ELP1: variants seen among roughly 807,000 people sequenced by gnomAD.
ELP1 encodes elongator acetyltransferase complex subunit 1, also known as elongator complex protein 1.
A neutral mutation model predicts 183.2 loss-of-function variants in ELP1; 131 were observed. The ratio of observed to expected loss-of-function variants is 0.72; its 90% CI spans 0.62 to 0.83. ELP1 has a LOEUF of 0.83. ELP1 is among the 40% of genes least tolerant of loss of function. ELP1 has a pLI of 0.00. For synonymous variants in ELP1, 555 were observed against 569.0 expected (o/e 0.98, Z 0.35); for missense variants, 1,550 against 1,594.9 (o/e 0.97, Z 0.48).
intron 6 of ELP1, among the ~76,000 whole-genome samples, chr9:108,920,130 A>G (rs147386759): frequency 6.6e-6 from 1 of 152,310 alleles, no homozygotes; most frequent in East Asian, 1.9e-4. Context: ...AACTGGAAAT[A>G]ATTAAGGACA....
intron 19 of ELP1, 32 bp downstream of exon 19, chr9:108,900,228 G>A: frequency 7.0e-7 from 1 of 1,425,886 alleles, no homozygotes; most frequent in South Asian, 1.1e-5. Context: ...ATGACAATCA[G>A]ACTATCTATC....
chr9:108,933,034 C>T (rs750153915), intron 1 of ELP1, among the ~76,000 whole-genome samples: 1 of 152,180 alleles, frequency 6.6e-6, no homozygotes, highest in Admixed American at 6.5e-5. Context: ...ATCACCAATA[C>T]GCTGATTAGG....
chr9:108,896,722 G>A, intron 24 of ELP1, 78 bp from the exon 25 acceptor site: 1 of 1,410,550 alleles, frequency 7.1e-7, no homozygotes. Context: ...TAACCAAAAA[G>A]ACAATAAATT....
chr9:108,896,465 C>A, intron 25 of ELP1, 31 bp downstream of exon 25: 1 of 1,610,944 alleles, frequency 6.2e-7, no homozygotes, highest in East Asian at 2.2e-5. Context: ...AAACAAGAAC[C>A]AAATGGCATA....
intron 29 of ELP1, among the ~76,000 whole-genome samples, chr9:108,884,487 AC>A (rs1240320635): frequency 6.6e-6 from 1 of 152,052 alleles, no homozygotes; most frequent in African/African-American, 2.4e-5. Context: ...TGTAAAACAG[AC>A]CATATTATAA....
chr9:108,905,489 G>C (rs1394589731), intron 14 of ELP1, among the ~76,000 whole-genome samples: 1 of 152,142 alleles, frequency 6.6e-6, no homozygotes, highest in East Asian at 1.9e-4. Flanking sequence ...CCAGAGAACA[G>C]TGAAATTTCA....
intron 4 of ELP1, 139 bp from the exon 5 acceptor site, chr9:108,926,742 A>T (rs1829836339): frequency 2.9e-6 from 2 of 693,892 alleles, no homozygotes; most frequent in Non-Finnish European, 5.0e-6. Context: ...GCTTTGACTT[A>T]AAAAAACAAC....
chr9:108,912,796 C>T (rs1451257587), intron 10 of ELP1, among the ~76,000 whole-genome samples: 1 of 147,710 alleles, frequency 6.8e-6, no homozygotes, highest in Non-Finnish European at 1.5e-5. Context: ...GCTCTGCCGG[C>T]CAGGCTGGAG....
chr9:108,885,439 A>T (rs1384464292), intron 29 of ELP1, among the ~76,000 whole-genome samples: 1 of 152,228 alleles, frequency 6.6e-6, no homozygotes, highest in Non-Finnish European at 1.5e-5. Context: ...GAAAGACATA[A>T]ACTACCAATG....
rs545060394 is a variant in ELP1, at chr9:108,888,651, C to T, written c.3222+681G>A. Among the ~76,000 whole-genome samples, 11 of 152,230 alleles carry T rather than the reference C, an allele frequency of 7.2e-5. No individual in the cohort carries two copies. In the South Asian group the frequency reaches 8.3e-4, roughly 11 times the overall value. ...TCTAATTATATAAAATTTTAGTTAT[C>T]GTCTTTCACTTACTGTTATTACACA... On this transcript the variant is annotated intron_variant, in intron 29 of 36. Coordinates refer to ENST00000374647, the MANE Select transcript of ELP1 (RefSeq NM_003640.5).
chr9:108,868,068 T>G lies in ELP1; in HGVS notation c.*1047A>C, dbSNP rs1283899499. 6.6e-6 allele frequency: 1 copy of G among 152,242 alleles called. No individual in the cohort carries two copies. Among genetic ancestry groups the G allele is most frequent in the Non-Finnish European group, 1.5e-5 (1 of 68,042 alleles). 9.4% of individuals were successfully genotyped at this position (152,242 alleles called of 1,614,324 possible). A position where few individuals can be genotyped will look rare whatever the true frequency, so the allele number is the denominator to read the frequency against. On this transcript the variant is annotated 3_prime_UTR_variant, in exon 37 of 37. Coordinates refer to ENST00000374647, the MANE Select transcript of ELP1 (RefSeq NM_003640.5). ...ACGTGAATCGCTTGTGCCATCCTCG[T>G]GGTAATGAGTGAGTTTTCACTCTAT...
chr9:108,918,781 A>AATTT, intron 8 of ELP1, 30 bp downstream of exon 8: 3 of 1,530,248 alleles, frequency 2.0e-6, no homozygotes, highest in Non-Finnish European at 2.7e-6. Context: ...TGGTTCCAAG[A>AATTT]ATTTCTCTAA....
chr9:108,897,075 G>T, intron 23 of ELP1, 37 bp from the exon 24 acceptor site: 1 of 1,613,214 alleles, frequency 6.2e-7, no homozygotes, highest in Non-Finnish European at 8.5e-7. Context: ...AATGAGAAAG[G>T]TAAGTAGGCT....
At chr9:108,933,199 C>T (rs1830055913) in intron 1 of ELP1, among the ~76,000 whole-genome samples, 1 of 152,322 alleles carries the variant, frequency 6.6e-6, no homozygotes, top group African/African-American at 2.4e-5. Context: ...ACAGTTCCCA[C>T]TATTTGGGGA....
rs1189930030 is a variant in ELP1 at position 108,906,479 on chromosome 9, C to A, written c.1467G>T (p.Gln489His). 6.2e-7 allele frequency: 1 copy of A among 1,613,106 alleles called. No individual in the cohort carries two copies. Among genetic ancestry groups the A allele is most frequent in the African/African-American group, 1.3e-5 (1 of 75,026 alleles). ...CATCTTGATCTTCATTATTCTCAAA[C>A]TGGATTCTATTGTAAATATTGAAGA... ...TPHLEKRYKI[Q>H]FENNEDQDVN... is the part of the protein sequence containing the mutation. The change falls in exon 14 of 37, where the codon CAG becomes CAT. Residue 489 changes from glutamine (Q) to histidine (H), a missense_variant. By Grantham distance (24) the Gln-to-His change is conservative (BLOSUM62 0). Coordinates refer to ENST00000374647, the MANE Select transcript of ELP1 (RefSeq NM_003640.5).
intron 6 of ELP1, among the ~76,000 whole-genome samples, chr9:108,921,994 T>C (rs1829665358): frequency 6.6e-6 from 1 of 152,156 alleles, no homozygotes; most frequent in African/African-American, 2.4e-5. Flanking sequence ...ATACTGAGGC[T>C]CAGAAACATT....
rs1827939502 is a variant in ELP1, at chr9:108,881,777, AAC to A, written c.3286-14_3286-13del. The A allele has an allele frequency of 6.8e-7, 1 of 1,461,636 alleles. No homozygotes were observed. Among genetic ancestry groups the A allele is most frequent in the Non-Finnish European group, 9.6e-7 (1 of 1,041,662 alleles). The allele number at this position is 1,461,636 out of a possible 1,614,324, so 90.5% of individuals were successfully genotyped here. A position where few individuals can be genotyped will look rare whatever the true frequency, so the allele number is the denominator to read the frequency against. Reference sequence around the variant, plus strand: ...TTATATTTGTATACCTAGAAGGAAAAACACAATAATTTTAGGAAGGAAAACTT... The same window carrying A: ...TTATATTTGTATACCTAGAAGGAAAAACAATAATTTTAGGAAGGAAAACTT... On this transcript the variant is annotated splice_polypyrimidine_tract_variant and intron_variant, in intron 30 of 36. Transcript: ENST00000374647.
intron 25 of ELP1, among the ~76,000 whole-genome samples, chr9:108,894,271 A>G (rs183216425): frequency 6.6e-6 from 1 of 152,356 alleles, no homozygotes; most frequent in East Asian, 1.9e-4. Context: ...CACCCCAAGG[A>G]TACCAAAATC....
intron 3 of ELP1, among the ~76,000 whole-genome samples, chr9:108,928,475 C>A (rs1829889487): frequency 6.6e-6 from 1 of 151,898 alleles, no homozygotes; most frequent in African/African-American, 2.4e-5. Flanking sequence ...GAAAGAGAGA[C>A]CAGGAAGAAA....
Sources: gnomAD v4.1 joint callset for allele counts (sites outside exome capture counted in the v4.1 genomes callset) on GRCh38, gnomAD v4.1.1 for gene constraint, MANE v1.5 for transcripts, NCBI Gene and HGNC (gene_info 2026-07-23, HGNC 2026-07-21) for gene names.